FRRS1: variants seen among roughly 807,000 people sequenced by gnomAD.
FRRS1 encodes the protein ferric reductase 1.
In FRRS1, 51 loss-of-function variants were observed where a neutral mutation model predicts 70.7. That is an observed-to-expected ratio of 0.72 (90% CI 0.58 to 0.91). The LOEUF is 0.91. FRRS1 is among the 40% of genes least tolerant of loss of function. The pLI is 0.00. For synonymous variants in FRRS1, 225 were observed against 238.7 expected, an observed-to-expected ratio of 0.94 and a Z score of 0.53; for missense variants, 672 against 726.0, an observed-to-expected ratio of 0.93 and a Z score of 0.86.
rs559810227 is a variant in FRRS1 at position 99,741,716 on chromosome 1, G to A, written c.428+463C>T. Among the ~76,000 whole-genome samples the A allele has an allele frequency of 1.6e-4, 24 of 152,274 alleles. No homozygotes were observed. The South Asian group carries it at 5.0e-3, about 32-fold the overall frequency. On this transcript the variant is annotated intron_variant, in intron 5 of 16. Coordinates refer to ENST00000646001, the MANE Select transcript of FRRS1 (RefSeq NM_001361041.2). ...CATTTGTATTCTCATGCTAATACAG[G>A]AGCCAATCTAAAAGTAGTATTATAT...
intron 1 of FRRS1, among the ~76,000 whole-genome samples, chr1:99,755,053 C>T (rs1656764508): frequency 2.6e-5 from 4 of 151,838 alleles, no homozygotes; most frequent in Admixed American, 2.6e-4. Flanking sequence ...ATAAAAGGAG[C>T]TTAAGATTTC....
At chr1:99,710,496 C>T (rs1468067898) in intron 15 of FRRS1, among the ~76,000 whole-genome samples, 1 of 152,208 alleles carries the variant, frequency 6.6e-6, no homozygotes, top group Non-Finnish European at 1.5e-5. Flanking sequence ...AGGGTTTCCT[C>T]AGCTCTAGGC....
At chr1:99,726,342 G>A (rs943000593) in intron 9 of FRRS1, among the ~76,000 whole-genome samples, 10 of 152,048 alleles carry the variant, frequency 6.6e-5, no homozygotes, top group South Asian at 4.2e-4. Context: ...ACCCAGTCTC[G>A]GGTAGTTCTT....
chr1:99,755,356 G>A (rs1297863290), intron 1 of FRRS1, among the ~76,000 whole-genome samples: 1 of 151,956 alleles, frequency 6.6e-6, no homozygotes, highest in Non-Finnish European at 1.5e-5. Context: ...GAATCCAAGA[G>A]GTCAAAGCTG....
In FRRS1 at chr1:99,755,172, C is replaced by T. The variant is rs112753557; in HGVS notation, c.-105-6171G>A. 5.1e-4 allele frequency among the ~76,000 whole-genome samples: 78 copies of T among 152,120 alleles called. 1 individual carries two copies. The highest frequency in any genetic ancestry group is 2.1e-4 in the South Asian group (1 of 4,816). ...CAGTAGTTCACACCTATAATCCCAACACTTTGGGAGACTAAAGCCGGAGAA... is the reference window on the plus strand; with the variant it reads ...CAGTAGTTCACACCTATAATCCCAATACTTTGGGAGACTAAAGCCGGAGAA... On this transcript the variant is annotated intron_variant, in intron 1 of 16. Transcript: ENST00000646001.
intron 9 of FRRS1, among the ~76,000 whole-genome samples, chr1:99,722,369 C>G (rs1364905526): frequency 1.3e-5 from 2 of 152,104 alleles, no homozygotes; most frequent in Non-Finnish European, 2.9e-5. Context: ...TAGTATAACC[C>G]TGAAATCAAA....
intron 6 of FRRS1, 108 bp downstream of exon 6, chr1:99,740,685 A>T: frequency 1.4e-6 from 1 of 739,650 alleles, no homozygotes. Context: ...AATTCCAAGC[A>T]CTTTGTGACT....
intron 1 of FRRS1, among the ~76,000 whole-genome samples, chr1:99,762,772 G>A (rs1237577547): frequency 6.6e-6 from 1 of 152,098 alleles, no homozygotes; most frequent in Non-Finnish European, 1.5e-5. Context: ...GAACTCTCAG[G>A]ATTGGATTCC....
chr1:99,730,541 G>A (rs988827235), intron 7 of FRRS1, among the ~76,000 whole-genome samples: 3 of 152,156 alleles, frequency 2.0e-5, no homozygotes, highest in African/African-American at 4.8e-5. Context: ...GGGCAATATG[G>A]TGAGACTTCA....
chr1:99,704,759 C>G lies in FRRS1; in HGVS notation c.*4269G>C, dbSNP rs539132881. On this transcript the variant is annotated 3_prime_UTR_variant, in exon 17 of 17. Coordinates refer to ENST00000646001, the MANE Select transcript of FRRS1 (RefSeq NM_001361041.2). The stretch of plus-strand genomic sequence containing the variant: ...GGGAGCACGCCAGAGGAAGAGCACA[C>G]GACAGATCCCAGCATGCCGACAGGC... Among the ~76,000 whole-genome samples, 1 of 152,106 alleles carries G rather than the reference C, an allele frequency of 6.6e-6. No individual in the cohort carries two copies. The highest frequency in any genetic ancestry group is 2.4e-5 in the African/African-American group (1 of 41,420).
chr1:99,708,804 A>T lies in FRRS1; in HGVS notation c.*224T>A. The T allele has an allele frequency of 1.3e-6, 1 of 768,156 alleles. No homozygotes were observed. Among genetic ancestry groups the T allele is most frequent in the Non-Finnish European group, 2.1e-6 (1 of 475,440 alleles). 47.6% of individuals were successfully genotyped at this position (768,156 alleles called of 1,614,324 possible). On this transcript the variant is annotated 3_prime_UTR_variant, in exon 17 of 17. Transcript: ENST00000646001. ...TCTCCTGAAGTACAATCTTTCCTTT[A>T]AGACCCAGAATTACATATAGGGCAT...
intron 15 of FRRS1, among the ~76,000 whole-genome samples, 190 bp from the exon 16 acceptor site, chr1:99,709,449 C>A (rs1379782505): frequency 2.6e-5 from 4 of 152,176 alleles, no homozygotes; most frequent in African/African-American, 9.7e-5. Flanking sequence ...GGCAAGAGCA[C>A]ACATTTGTTA....
intron 9 of FRRS1, among the ~76,000 whole-genome samples, chr1:99,723,421 G>A (rs1483634103): frequency 6.6e-6 from 1 of 152,154 alleles, no homozygotes; most frequent in Non-Finnish European, 1.5e-5. Context: ...GGAGGCAGAG[G>A]TGGGAGGATG....
At chr1:99,737,611 C>T (rs992939173) in intron 7 of FRRS1, among the ~76,000 whole-genome samples, 4 of 152,180 alleles carry the variant, frequency 2.6e-5, no homozygotes, top group African/African-American at 9.7e-5. Flanking sequence ...AAGTAATTGC[C>T]CAACTGTTAA....
At chr1:99,739,038 A>G (rs746791830) in intron 6 of FRRS1, among the ~76,000 whole-genome samples, 10 of 152,230 alleles carry the variant, frequency 6.6e-5, no homozygotes, top group Non-Finnish European at 1.5e-4. Flanking sequence ...GTTCATGGAA[A>G]TGTAAAGACA....
intron 1 of FRRS1, among the ~76,000 whole-genome samples, chr1:99,758,403 G>A (rs187110801): frequency 8.5e-5 from 13 of 152,296 alleles, no homozygotes; most frequent in African/African-American, 3.1e-4. Context: ...ACACTGAATG[G>A]AGGGACCAGC....
intron 6 of FRRS1, among the ~76,000 whole-genome samples, chr1:99,739,880 G>GTT (rs140941684): frequency 0.011 from 1,693 of 150,170 alleles, 10 homozygotes; most frequent in Middle Eastern, 0.028. Flanking sequence ...TTCTCAACAC[G>GTT]TTTTTTTTTT....
chr1:99,730,414 G>C (rs1169808407), intron 7 of FRRS1, among the ~76,000 whole-genome samples: 4 of 152,126 alleles, frequency 2.6e-5, no homozygotes, highest in Admixed American at 1.3e-4. Flanking sequence ...CTGAAAGTTA[G>C]ATCTTATTCT....
At position 99,759,747 on chromosome 1, in the gene FRRS1, A is replaced by C. The variant is rs139823852; in HGVS notation, c.-106+6860T>G. 4.6e-5 allele frequency among the ~76,000 whole-genome samples: 7 copies of C among 152,270 alleles called. No homozygotes were observed. The East Asian group carries it at 1.3e-3, about 29-fold the overall frequency. ...TAGAGAAAGACGAAAAGAAATGAAC[A>C]CTCAGTGATGACCCGGCAGTTAGAA... On this transcript the variant is annotated intron_variant, in intron 1 of 16. Transcript: ENST00000646001.
Sources: gnomAD v4.1 joint callset for allele counts (sites outside exome capture counted in the v4.1 genomes callset) on GRCh38, gnomAD v4.1.1 for gene constraint, MANE v1.5 for transcripts, NCBI Gene and HGNC (gene_info 2026-07-23, HGNC 2026-07-21) for gene names.